Variants in TJP1 observed in about 807,000 individuals in gnomAD.
TJP1 encodes tight junction protein 1.
TJP1 carries 43 observed loss-of-function variants against 194.2 expected under a neutral mutation model. The ratio of observed to expected loss-of-function variants is 0.22; its 90% CI spans 0.17 to 0.29. The LOEUF is 0.29. Among genes scored for constraint, TJP1 ranks in the 10% least tolerant of loss-of-function variants. The probability of loss-of-function intolerance (pLI) is 1.00; values close to 1 mark genes in which losing one functional copy is unlikely to be tolerated. For missense variants in TJP1, 1,971 were observed against 2,185.7 expected, an observed-to-expected ratio of 0.90 and a Z score of 1.96; for synonymous variants, 801 against 779.0, an observed-to-expected ratio of 1.03 and a Z score of -0.47.
At chr15:29,905,882 G>A (rs927867891) in intron 2 of TJP1, among the ~76,000 whole-genome samples, 1 of 152,188 alleles carries the variant, frequency 6.6e-6, no homozygotes, top group African/African-American at 2.4e-5. Flanking sequence ...AACAGGTGGA[G>A]CACAGAGGGT....
intron 5 of TJP1, among the ~76,000 whole-genome samples, chr15:29,763,351 T>C (rs1050475034): frequency 6.6e-6 from 1 of 152,168 alleles, no homozygotes; most frequent in Non-Finnish European, 1.5e-5. Flanking sequence ...AGTAAAAGGA[T>C]TGCCCCTGGT....
intron 2 of TJP1, among the ~76,000 whole-genome samples, chr15:29,918,472 C>T (rs1323478035): frequency 2.6e-5 from 4 of 152,156 alleles, no homozygotes; most frequent in East Asian, 1.9e-4. Context: ...CAGTGACTCA[C>T]GCCTGTAATC....
At chr15:29,938,900 C>T (rs548861827) in intron 2 of TJP1, among the ~76,000 whole-genome samples, 5 of 152,342 alleles carry the variant, frequency 3.3e-5, no homozygotes, top group African/African-American at 1.2e-4. Flanking sequence ...GCCCTGCCCC[C>T]ATGTGGCTGA....
chr15:29,741,271 C>A, intron 10 of TJP1, 60 bp downstream of exon 10: 2 of 1,261,840 alleles, frequency 1.6e-6, no homozygotes, highest in Non-Finnish European at 1.1e-6. Flanking sequence ...AATTAAATTC[C>A]TACTCTGAAT....
At chr15:29,724,262 G>A (rs1489258314) in intron 18 of TJP1, among the ~76,000 whole-genome samples, 1 of 152,214 alleles carries the variant, frequency 6.6e-6, no homozygotes, top group Non-Finnish European at 1.5e-5. Flanking sequence ...CTGCCAGGCT[G>A]GGCTGGGGAG....
intron 26 of TJP1, among the ~76,000 whole-genome samples, chr15:29,704,904 A>G (rs969284495): frequency 1.3e-5 from 2 of 152,258 alleles, no homozygotes; most frequent in African/African-American, 4.8e-5. Context: ...TTCCGGCAAA[A>G]TACAAAAAAG....
intron 8 of TJP1, among the ~76,000 whole-genome samples, chr15:29,750,878 G>T (rs2045230272): frequency 6.6e-6 from 1 of 152,138 alleles, no homozygotes; most frequent in East Asian, 1.9e-4. Flanking sequence ...CCTTTAAAAG[G>T]CATTGGATTA....
At chr15:29,961,334 C>CTTTTTTTTTTTT (rs5811594) in intron 1 of TJP1, among the ~76,000 whole-genome samples, 1 of 89,818 alleles carries the variant, frequency 1.1e-5, no homozygotes, top group Non-Finnish European at 1.9e-5. Flanking sequence ...TTTCCTAATT[C>CTTTTTTTTTTTT]TTTTTTTTTT....
intron 2 of TJP1, among the ~76,000 whole-genome samples, chr15:29,778,680 C>T (rs1323756407): frequency 1.3e-5 from 2 of 152,190 alleles, no homozygotes; most frequent in African/African-American, 4.8e-5. Context: ...CACCTAAATA[C>T]TGATTCCTGC....
chr15:29,872,690 T>C (rs1345424735), intron 2 of TJP1, among the ~76,000 whole-genome samples: 1 of 152,206 alleles, frequency 6.6e-6, no homozygotes, highest in East Asian at 1.9e-4. Flanking sequence ...AAGCATCTAC[T>C]GCATTCAAAC....
At chr15:29,726,722 C>T in intron 17 of TJP1, 59 bp downstream of exon 17, 1 of 1,501,150 alleles carries the variant, frequency 6.7e-7, no homozygotes, top group Non-Finnish European at 9.2e-7. Context: ...AACATTTTGG[C>T]CTACTTAATG....
chr15:29,714,061 G>A (rs1409143249), intron 23 of TJP1, among the ~76,000 whole-genome samples: 1 of 152,110 alleles, frequency 6.6e-6, no homozygotes, highest in Non-Finnish European at 1.5e-5. Context: ...GCCCTGTTTT[G>A]AGCTTCATTC....
At position 29,761,759 on chromosome 15, in the gene TJP1, G is replaced by T. The variant is rs1325479702; in HGVS notation, c.704C>A (p.Thr235Asn). 6.5e-7 allele frequency: 1 copy of T among 1,548,010 alleles called. No individual in the cohort carries two copies. The highest frequency in any genetic ancestry group is 1.2e-5 in the South Asian group (1 of 81,198). Reference sequence around the variant, plus strand: ...TGTCAATGACATATTTTCTGTCACAGTACCATTTATCTGCAACAGAAAATA... The same window carrying T: ...TGTCAATGACATATTTTCTGTCACATTACCATTTATCTGCAACAGAAAATA... ...EGDVVLKINGTVTENMSLTDA... is the reference protein window; with the variant it reads ...EGDVVLKINGNVTENMSLTDA... The change falls in exon 7 of 28, where the codon ACT (threonine) becomes AAT (asparagine). Residue 235 changes from threonine (T) to asparagine (N), a missense_variant. Coordinates refer to ENST00000614355, the MANE Select transcript of TJP1 (RefSeq NM_001330239.4).
rs555302782 is a variant in TJP1 at position 29,707,673 on chromosome 15, AG to A, written c.4850+885del. On this transcript the variant is annotated intron_variant, in intron 25 of 27. Coordinates refer to ENST00000614355, the MANE Select transcript of TJP1 (RefSeq NM_001330239.4). ...GGTCAATCGCCGTGGAATGAAAGAC[AG>A]GAAAGAGGAGCTGCAGGGAGGCTCC... 5.6e-4 allele frequency among the ~76,000 whole-genome samples: 85 copies of A among 152,318 alleles called. 3 individuals are homozygous for A. The South Asian group carries it at 0.017, about 31-fold the overall frequency.
chr15:29,804,572 AG>A (rs1319416055), intron 1 of TJP1, among the ~76,000 whole-genome samples: 1 of 152,196 alleles, frequency 6.6e-6, no homozygotes, highest in Non-Finnish European at 1.5e-5. Context: ...GAGTGGAGAA[AG>A]GAAAACCAGG....
chr15:29,773,841 G>A (rs899737892), intron 2 of TJP1, among the ~76,000 whole-genome samples: 6 of 152,168 alleles, frequency 3.9e-5, no homozygotes, highest in African/African-American at 7.2e-5. Flanking sequence ...AAAAATCTCT[G>A]TAGAATATAA....
At chr15:29,949,694 TCCA>T (rs747906358) in intron 2 of TJP1, among the ~76,000 whole-genome samples, 2 of 33,514 alleles carry the variant, frequency 6.0e-5, no homozygotes, top group African/African-American at 9.1e-5. Flanking sequence ...CACCACCACC[TCCA>T]CCACCACCAC....
intron 2 of TJP1, among the ~76,000 whole-genome samples, chr15:29,846,858 G>A (rs1004305741): frequency 6.6e-6 from 1 of 152,034 alleles, no homozygotes; most frequent in African/African-American, 2.4e-5. Context: ...CCTGGGAGGT[G>A]GAGCTTGCAG....
chr15:29,920,028 C>G (rs1315131227), intron 2 of TJP1, among the ~76,000 whole-genome samples: 2 of 152,272 alleles, frequency 1.3e-5, no homozygotes, highest in Non-Finnish European at 2.9e-5. Context: ...ACATCTGACA[C>G]TTACACTGCT....
Sources: gnomAD v4.1 joint callset for allele counts (sites outside exome capture counted in the v4.1 genomes callset) on GRCh38, gnomAD v4.1.1 for gene constraint, MANE v1.5 for transcripts, NCBI Gene and HGNC (gene_info 2026-07-23, HGNC 2026-07-21) for gene names.